The following ZNF83 variants were observed in gnomAD, a reference collection of about 807,000 sequenced individuals.
ZNF83 encodes the protein zinc finger protein 816B.
For synonymous variants in ZNF83, 209 were observed against 213.0 expected, an observed-to-expected ratio of 0.98 and a Z score of 0.17; for missense variants, 552 against 629.9, an observed-to-expected ratio of 0.88 and a Z score of 1.32.
chr19:52,613,811 G>T, exon 3 of ZNF83: 1 of 1,613,934 alleles, frequency 6.2e-7, no homozygotes, highest in Non-Finnish European at 8.5e-7. Context: ...TGAATGATCA[G>T]ATGTTGTACA....
At chr19:52,682,032 G>A (rs1009545923) in intron 1 of ZNF83, among the ~76,000 whole-genome samples, 3 of 152,020 alleles carry the variant, frequency 2.0e-5, no homozygotes, top group African/African-American at 7.2e-5. Flanking sequence ...ATTTTTAGTA[G>A]AGACGAGGTT....
chr19:52,617,758 T>A (rs76049269), intron 2 of ZNF83: 1 of 143,870 alleles, frequency 7.0e-6, no homozygotes, highest in South Asian at 2.2e-4. Flanking sequence ...AAAAAAAAAT[T>A]CCCACCCATC....
intron 2 of ZNF83, among the ~76,000 whole-genome samples, chr19:52,627,050 C>G (rs1273621080): frequency 1.3e-5 from 2 of 152,082 alleles, no homozygotes; most frequent in African/African-American, 4.8e-5. Flanking sequence ...CCCAACTGAT[C>G]GATCGACCTT....
intron 1 of ZNF83, among the ~76,000 whole-genome samples, chr19:52,665,194 C>T (rs188163089): frequency 6.4e-4 from 98 of 152,196 alleles, no homozygotes; most frequent in African/African-American, 2.1e-3. Context: ...CCTAGAGCCA[C>T]TGCCTGGGGT....
At chr19:52,652,728 A>G in intron 3 of ZNF83, 1 of 710,030 alleles carries the variant, frequency 1.4e-6, no homozygotes, top group South Asian at 1.5e-5. Context: ...TACATTTGTA[A>G]AGTTTCCCTA....
chr19:52,648,451 G>GA (rs201038009), intron 3 of ZNF83, among the ~76,000 whole-genome samples: 8 of 148,466 alleles, frequency 5.4e-5, no homozygotes, highest in South Asian at 2.1e-4. Context: ...CAAAGTGAAG[G>GA]AAAAAAAAAA....
intron 2 of ZNF83, among the ~76,000 whole-genome samples, chr19:52,633,693 C>T (rs944128239): frequency 3.3e-5 from 5 of 152,136 alleles, no homozygotes; most frequent in African/African-American, 1.2e-4. Flanking sequence ...GGCGGATCAC[C>T]TGAGGTCGGG....
chr19:52,669,754 T>A (rs946926339), intron 1 of ZNF83, among the ~76,000 whole-genome samples: 1 of 152,164 alleles, frequency 6.6e-6, no homozygotes, highest in Non-Finnish European at 1.5e-5. Flanking sequence ...ACAGCCGTAA[T>A]GGGTGTACTT....
intron 1 of ZNF83, among the ~76,000 whole-genome samples, chr19:52,676,585 G>A (rs2061812543): frequency 6.6e-6 from 1 of 151,676 alleles, no homozygotes; most frequent in Admixed American, 6.6e-5. Context: ...ACTGGGAAGT[G>A]AGGAGCCCCT....
chr19:52,637,578 T>A (rs1397309580), intron 1 of ZNF83, among the ~76,000 whole-genome samples: 5 of 152,178 alleles, frequency 3.3e-5, no homozygotes, highest in Admixed American at 3.3e-4. Flanking sequence ...TCACCCACCC[T>A]CTACTTTGCC....
upstream of ZNF83, among the ~76,000 whole-genome samples, chr19:52,639,413 C>CTTTTTTTTT (rs1206783591): frequency 7.5e-3 from 401 of 53,680 alleles, 4 homozygotes; most frequent in African/African-American, 0.011. Context: ...TTAGTTTTTT[C>CTTTTTTTTT]TATTTTTTTT....
chr19:52,627,054 C>G (rs1197098365), intron 2 of ZNF83, among the ~76,000 whole-genome samples: 1 of 152,070 alleles, frequency 6.6e-6, no homozygotes, highest in Non-Finnish European at 1.5e-5. Context: ...ACTGATCGAT[C>G]GACCTTGAGA....
At position 52,680,606 on chromosome 19, in the gene ZNF83, AT is replaced by A. The variant is rs556558292; in HGVS notation, c.-283+9836del. ...GTTTTATTGTACTTTTCCACAAAATATTTTTTTTTTTTTTTTTTTTTTTTGA... is the reference window on the plus strand; with the variant it reads ...GTTTTATTGTACTTTTCCACAAAATATTTTTTTTTTTTTTTTTTTTTTTGA... On this transcript the variant is annotated intron_variant, in intron 1 of 5. Coordinates refer to the ZNF83 transcript ENST00000594682. 2.8e-3 allele frequency among the ~76,000 whole-genome samples: 249 copies of A among 88,926 alleles called. 1 individual carries two copies. The highest frequency in any genetic ancestry group is 6.8e-3 in the African/African-American group (149 of 21,868). The allele number at this position is 88,926 out of a possible 152,430, so 58.3% of individuals were successfully genotyped here. A position where few individuals can be genotyped will look rare whatever the true frequency, so the allele number is the denominator to read the frequency against.
At chr19:52,666,183 GAGACAGAGAGTC>G (rs2061649765) in intron 1 of ZNF83, among the ~76,000 whole-genome samples, 1 of 141,828 alleles carries the variant, frequency 7.1e-6, no homozygotes, top group African/African-American at 2.6e-5. Flanking sequence ...AAAAAAGAAA[GAGACAGAGAGTC>G]AAAGAGAGAG....
At chr19:52,638,134 C>T (rs1224216351) in intron 1 of ZNF83, among the ~76,000 whole-genome samples, 178 bp downstream of exon 1, 3 of 152,226 alleles carry the variant, frequency 2.0e-5, no homozygotes, top group Admixed American at 2.0e-4. Context: ...ACAGCCCAGC[C>T]TCAGGGCGAC....
At chr19:52,613,604 C>G in exon 3 of ZNF83, 1 of 1,613,562 alleles carries the variant, frequency 6.2e-7, no homozygotes, top group South Asian at 1.1e-5. Context: ...TTGCCACACT[C>G]ATTACATTTG....
chr19:52,630,494 C>T (rs2060915031), intron 2 of ZNF83, among the ~76,000 whole-genome samples: 1 of 152,124 alleles, frequency 6.6e-6, no homozygotes, highest in South Asian at 2.1e-4. Flanking sequence ...TTTATGCACT[C>T]TTTTTTAGTT....
In ZNF83 at chr19:52,660,844, C is replaced by T; in HGVS notation, c.-282-1G>A. On this transcript the variant is annotated splice_acceptor_variant, in intron 1 of 5. Coordinates refer to the ZNF83 transcript ENST00000594682. LOFTEE classifies it low-confidence loss of function (5UTR_SPLICE). ...TAACATGAGTCTTTGGAAATTAATT[C>T]TGTGTGAGAAAAAAATATGATATTT... is the stretch of plus-strand genomic sequence containing the variant. 1 of 176,356 alleles carries T rather than the reference C, an allele frequency of 5.7e-6. No homozygotes were observed. Among genetic ancestry groups the T allele is most frequent in the Admixed American group, 5.8e-5 (1 of 17,202 alleles). The allele number at this position is 176,356 out of a possible 1,614,324, so 10.9% of individuals were successfully genotyped here.
At chr19:52,633,448 A>C (rs1049930956) in intron 2 of ZNF83, among the ~76,000 whole-genome samples, 1 of 150,494 alleles carries the variant, frequency 6.6e-6, no homozygotes, top group Non-Finnish European at 1.5e-5. Flanking sequence ...TCTCATAATG[A>C]TGCAAAAATA....
Sources: gnomAD v4.1 joint callset for allele counts (sites outside exome capture counted in the v4.1 genomes callset) on GRCh38, gnomAD v4.1.1 for gene constraint, MANE v1.5 for transcripts, NCBI Gene and HGNC (gene_info 2026-07-23, HGNC 2026-07-21) for gene names.